Variants in DNAH5 observed in about 807,000 individuals in gnomAD.
The protein encoded by DNAH5 is axonemal beta dynein heavy chain 5.
In DNAH5, 372 loss-of-function variants were observed where a neutral mutation model predicts 518.2. That is an observed-to-expected ratio of 0.72 (90% confidence interval 0.66 to 0.78). The LOEUF (loss-of-function observed/expected upper bound fraction) is 0.78, where lower values mean the gene tolerates loss of function less well. Among genes scored for constraint, DNAH5 ranks in the 30% least tolerant of loss-of-function variants. DNAH5 has a pLI of 0.00. For synonymous variants in DNAH5, 2,039 were observed against 2,025.9 expected (o/e 1.01, Z -0.17); for missense variants, 5,523 against 5,687.0 (o/e 0.97, Z 0.93).
Position 13,830,075 on chromosome 5 carries a change from T to A in DNAH5, c.6200A>T (p.Asp2067Val). Residue 2067 changes from aspartate (D) to valine (V), a missense_variant, in exon 37 of 79, where the codon GAT becomes GTT. Physicochemically the swap from Asp to Val is radical, Grantham distance 152. Transcript: ENST00000265104. ...AGGGTTCATAGTCACATTATCTCCATCAGTAAAGATAAAAGACTTTTTGTG... is the reference window on the plus strand; with the variant it reads ...AGGGTTCATAGTCACATTATCTCCAACAGTAAAGATAAAAGACTTTTTGTG... ...KEHKKSFIFT[D>V]GDNVTMNPEF... The A allele has an allele frequency of 6.2e-7, 1 of 1,614,006 alleles. No individual in the cohort carries two copies. The highest frequency in any genetic ancestry group is 8.5e-7 in the Non-Finnish European group (1 of 1,179,952).
intron 15 of DNAH5, among the ~76,000 whole-genome samples, chr5:13,896,381 A>C (rs528317313): frequency 6.6e-6 from 1 of 152,164 alleles, no homozygotes; most frequent in South Asian, 2.1e-4. Context: ...CCTGAGCCTC[A>C]GGGCCTTTGC....
At chr5:13,869,686 C>T (rs1769799202) in intron 24 of DNAH5, among the ~76,000 whole-genome samples, 1 of 152,004 alleles carries the variant, frequency 6.6e-6, no homozygotes, top group Non-Finnish European at 1.5e-5. Flanking sequence ...AAGAAATATA[C>T]CAACCTCTTG....
intron 1 of DNAH5, among the ~76,000 whole-genome samples, chr5:13,998,299 C>T (rs1051174289): frequency 6.6e-6 from 1 of 152,170 alleles, no homozygotes; most frequent in Admixed American, 6.5e-5. Flanking sequence ...TCCTTAAGCC[C>T]TTTATAAGGA....
In DNAH5 at chr5:13,700,200, T is replaced by G. The variant is rs530718083; in HGVS notation, c.13723+440A>C. Among the ~76,000 whole-genome samples, 6 of 152,266 alleles carry G rather than the reference T, an allele frequency of 3.9e-5. No homozygotes were observed. In the South Asian group the frequency reaches 1.0e-3, roughly 26 times the overall value. On this transcript the variant is annotated intron_variant, in intron 78 of 78. Coordinates refer to ENST00000265104, the MANE Select transcript of DNAH5 (RefSeq NM_001369.3). Reference sequence around the variant, plus strand: ...CAGCCTTCAACTGAGCCCTGTGCAGTCTTATCTAGAAAGTCTCCTTACCAC... The same window carrying G: ...CAGCCTTCAACTGAGCCCTGTGCAGGCTTATCTAGAAAGTCTCCTTACCAC...
intron 12 of DNAH5, among the ~76,000 whole-genome samples, chr5:13,907,424 G>T (rs1775446754): frequency 6.6e-6 from 1 of 152,070 alleles, no homozygotes; most frequent in South Asian, 2.1e-4. Flanking sequence ...GTGAAACTCT[G>T]TCCCCCCGCC....
chr5:13,893,837 G>A (rs1773568171), intron 16 of DNAH5, among the ~76,000 whole-genome samples: 5 of 151,780 alleles, frequency 3.3e-5, no homozygotes. Context: ...TATAAGAGTG[G>A]GGAGGACTGG....
At position 13,978,344 on chromosome 5, in the gene DNAH5, G is replaced by A. The variant is rs370169467; in HGVS notation, c.12+33304C>T. ...TAGACTTCCAGTACGGGAGATTACCGTCCAGAATGTGGTTGGACTTCTTCC... is the reference window on the plus strand; with the variant it reads ...TAGACTTCCAGTACGGGAGATTACCATCCAGAATGTGGTTGGACTTCTTCC... On this transcript the variant is annotated intron_variant, in intron 1 of 78. Transcript: ENST00000681290. 6.4e-4 allele frequency among the ~76,000 whole-genome samples: 98 copies of A among 152,270 alleles called. No homozygotes were observed. The South Asian group carries it at 7.0e-3, about 11-fold the overall frequency.
At chr5:13,947,738 G>A (rs1427150232), upstream of DNAH5, among the ~76,000 whole-genome samples, 1 of 152,148 alleles carries the variant, frequency 6.6e-6, no homozygotes, top group Non-Finnish European at 1.5e-5. Context: ...CTTTAAGAAT[G>A]TCTTACTGAG....
At chr5:13,977,716 G>A (rs1782369293) in intron 1 of DNAH5, among the ~76,000 whole-genome samples, 2 of 152,176 alleles carry the variant, frequency 1.3e-5, no homozygotes, top group South Asian at 4.1e-4. Context: ...CCCAGCCCAG[G>A]ATGGGATCCA....
intron 12 of DNAH5, among the ~76,000 whole-genome samples, chr5:13,907,302 G>T (rs573110728): frequency 9.9e-5 from 15 of 152,074 alleles, no homozygotes; most frequent in Non-Finnish European, 1.9e-4. Flanking sequence ...GTGGTGGAGC[G>T]TGCCTGTAAT....
intron 65 of DNAH5, among the ~76,000 whole-genome samples, chr5:13,739,185 T>A (rs1579991382): frequency 6.6e-6 from 1 of 152,104 alleles, no homozygotes; most frequent in African/African-American, 2.4e-5. Flanking sequence ...GTAGGTGATA[T>A]GGTTTGGCTC....
rs536355248 is a variant in DNAH5, at chr5:13,914,599, T to A, written c.1241A>T (p.Asn414Ile). ...GTTCCAGATGGAAGCGGTTCCATTA[T>A]TGGTAATATAGGCTTTACATGCAGA... is the stretch of plus-strand genomic sequence containing the variant. The part of the protein sequence containing the change: ...IISACKAYIT[N>I]NGTASIWNQP... Residue 414 changes from asparagine (N) to isoleucine (I), a missense_variant, in exon 10 of 79, where the codon AAT becomes ATT. Physicochemically the swap from Asn to Ile is moderately radical, Grantham distance 149. Transcript: ENST00000265104. 14 of 1,613,232 alleles carry A rather than the reference T, an allele frequency of 8.7e-6. No individual in the cohort carries two copies. Among genetic ancestry groups the A allele is most frequent in the African/African-American group, 2.7e-5 (2 of 74,914 alleles).
chr5:13,890,628 A>C (rs994624932), intron 17 of DNAH5, among the ~76,000 whole-genome samples: 1 of 152,156 alleles, frequency 6.6e-6, no homozygotes, highest in Non-Finnish European at 1.5e-5. Flanking sequence ...TTTTGTCTAG[A>C]AGCTGTTCAA....
rs538274041 is a variant in DNAH5 at position 13,895,903 on chromosome 5, C to T, written c.2260-1082G>A. ...TATCCTTCCAGTCCACAGGTCAAAA[C>T]CCAGAGTCATCCTTGATTCCTCTTT... On this transcript the variant is annotated intron_variant, in intron 15 of 78. Transcript: ENST00000265104. 6.6e-5 allele frequency among the ~76,000 whole-genome samples: 10 copies of T among 152,194 alleles called. No homozygotes were observed. The South Asian group carries it at 2.1e-3, about 32-fold the overall frequency.
intron 38 of DNAH5, among the ~76,000 whole-genome samples, chr5:13,824,544 T>C (rs1219382509): frequency 6.6e-6 from 1 of 152,220 alleles, no homozygotes; most frequent in African/African-American, 2.4e-5. Flanking sequence ...TGTGCCATCA[T>C]TAGCTTAAGC....
intron 65 of DNAH5, among the ~76,000 whole-genome samples, chr5:13,748,430 C>T (rs1749726102): frequency 6.6e-6 from 1 of 152,152 alleles, no homozygotes; most frequent in African/African-American, 2.4e-5. Context: ...TCATTGGTAG[C>T]TTGATGGGGA....
chr5:13,693,556 CA>C (rs1740972089), intron 78 of DNAH5, among the ~76,000 whole-genome samples: 2 of 152,174 alleles, frequency 1.3e-5, no homozygotes, highest in African/African-American at 4.8e-5. Context: ...TAACCAGGGA[CA>C]ATTCTACTTA....
chr5:13,914,640 C>T lies in DNAH5; in HGVS notation c.1200G>A (p.Val400=). The T allele has an allele frequency of 6.2e-7, 1 of 1,612,680 alleles. No homozygotes were observed. The highest frequency in any genetic ancestry group is 8.5e-7 in the Non-Finnish European group (1 of 1,178,994). Residue 400 remains valine (V), a splice_region_variant and synonymous_variant, in exon 10 of 79, where the codon GTG becomes GTA. Transcript: ENST00000265104. ...SEKITSLFVK[V]TNQIISACKA... ...TACATGCAGATATAATCTGATTTGT[C>T]ACCTGGGATTTTCCAATAAAATGAT... is the stretch of plus-strand genomic sequence containing the variant.
intron 1 of DNAH5, among the ~76,000 whole-genome samples, chr5:13,955,667 T>A (rs1780716041): frequency 6.6e-6 from 1 of 152,144 alleles, no homozygotes; most frequent in Admixed American, 6.5e-5. Context: ...CTGAAGGCAA[T>A]TTTTCTCCAA....
Sources: allele counts gnomAD v4.1 joint callset (sites outside exome capture counted in the v4.1 genomes callset), GRCh38; gene constraint gnomAD v4.1.1; transcripts MANE v1.5; gene names NCBI Gene and HGNC (gene_info 2026-07-23, HGNC 2026-07-21).